Variants in PRKDC observed in about 807,000 individuals in gnomAD.
The protein encoded by PRKDC is DNA-dependent protein kinase catalytic subunit.
In PRKDC, 82 loss-of-function variants were observed where a neutral mutation model predicts 486.9. The ratio of observed to expected loss-of-function variants is 0.17; its 90% CI spans 0.14 to 0.20. PRKDC has a LOEUF of 0.20. Ranked by LOEUF, PRKDC falls within the 10% of genes least tolerant of loss-of-function variation. PRKDC has a pLI of 1.00. For synonymous variants in PRKDC, 1,895 were observed against 1,837.0 expected (o/e 1.03, Z -0.81); for missense variants, 4,504 against 5,038.2 (o/e 0.89, Z 3.21).
At chr8:47,941,086 C>A (rs553361292) in intron 10 of PRKDC, among the ~76,000 whole-genome samples, 13 of 150,464 alleles carry the variant, frequency 8.6e-5, no homozygotes, top group Non-Finnish European at 1.5e-4. Context: ...CCCAAGCTTG[C>A]GCTACTGCAC....
chr8:47,889,253 G>C, intron 32 of PRKDC, 31 bp from the exon 33 acceptor site: 3 of 1,541,196 alleles, frequency 1.9e-6, no homozygotes, highest in Non-Finnish European at 2.6e-6. Flanking sequence ...AAAACACTTC[G>C]TCAGCCAGCA....
intron 51 of PRKDC, 122 bp from the exon 52 acceptor site, chr8:47,852,906 GA>G: frequency 1.5e-6 from 1 of 673,892 alleles, no homozygotes; most frequent in Non-Finnish European, 2.5e-6. Context: ...TCTAAATATA[GA>G]ATGTGATGCA....
chr8:47,781,368 A>G (rs2086696864), intron 80 of PRKDC, among the ~76,000 whole-genome samples: 5 of 152,228 alleles, frequency 3.3e-5, no homozygotes, highest in Admixed American at 3.3e-4. Flanking sequence ...TTTGATAAGA[A>G]TATGTTTGAT....
intron 68 of PRKDC, among the ~76,000 whole-genome samples, chr8:47,816,690 A>AT (rs1463097934): frequency 3.9e-5 from 6 of 152,234 alleles, no homozygotes; most frequent in Non-Finnish European, 7.3e-5. Flanking sequence ...AAAGAAAAAA[A>AT]TACAAATACT....
rs1263164456 is a variant in PRKDC at position 47,914,047 on chromosome 8, T to A, written c.2635A>T (p.Met879Leu). Residue 879 changes from methionine (M) to leucine (L), a missense_variant, in exon 24 of 86, where the codon ATG becomes TTG. By Grantham distance (15) the Met-to-Leu change is conservative. Around this residue, in one of 6 missense-constraint regions of PRKDC, gnomAD observed 1,969 missense variants for 2,068.9 expected, o/e 0.95. Coordinates refer to ENST00000314191, the MANE Select transcript of PRKDC (RefSeq NM_006904.7). ...TCCCAGGCCACATAGCTCTTCATCA[T>A]CTCATCTGAGGACGTGACTGTTAGA... is the stretch of plus-strand genomic sequence containing the variant. The part of the protein sequence containing the change: ...NLLTVTSSDE[M>L]MKSYVAWDRE... 3 of 1,550,376 alleles carry A rather than the reference T, an allele frequency of 1.9e-6. No homozygotes were observed. In the African/African-American group the frequency reaches 4.1e-5, roughly 21 times the overall value.
At chr8:47,910,066 C>T (rs981597967) in intron 25 of PRKDC, among the ~76,000 whole-genome samples, 3 of 152,148 alleles carry the variant, frequency 2.0e-5, no homozygotes, top group Non-Finnish European at 4.4e-5. Flanking sequence ...TTTTGCGGCT[C>T]GGGGTTGTCA....
At chr8:47,922,107 G>C (rs2090082315) in intron 21 of PRKDC, among the ~76,000 whole-genome samples, 1 of 151,102 alleles carries the variant, frequency 6.6e-6, no homozygotes. Flanking sequence ...TTGGATTACA[G>C]GTGTGAGCCA....
Position 47,929,903 on chromosome 8 carries a change from T to C in PRKDC, c.2002A>G (p.Lys668Glu). The stretch of plus-strand genomic sequence containing the variant: ...TTTCTTACTGTAATAGAAAGCAATT[T>C]GTAGAAACCACTGATGAGGGGCAAC... ...TRLPLISGFYKLLSITVRNAK... is the reference protein window; with the variant it reads ...TRLPLISGFYELLSITVRNAK... The change falls in exon 18 of 86, where the codon AAA becomes GAA. Residue 668 changes from lysine to glutamate, a missense_variant. Coordinates refer to ENST00000314191, the MANE Select transcript of PRKDC (RefSeq NM_006904.7). 6.2e-7 allele frequency: 1 copy of C among 1,607,030 alleles called. No individual in the cohort carries two copies. The highest frequency in any genetic ancestry group is 8.5e-7 in the Non-Finnish European group (1 of 1,178,272).
rs745934145 is a variant in PRKDC at position 47,817,542 on chromosome 8, A to G, written c.9465T>C (p.Val3155=). Residue 3155 remains valine (V), a synonymous_variant, in exon 68 of 86, where the codon GTT becomes GTC. Coordinates refer to ENST00000314191, the MANE Select transcript of PRKDC (RefSeq NM_006904.7). ...AGGTGTTCAGAAGTCTCTTAAGGGG[A>G]ACTTGAGATGATAAATTGCCTAAAA... ...ISKQGNLSSQ[V]PLKRLLNTWT... is the part of the protein sequence containing the mutation. 1 of 1,601,222 alleles carries G rather than the reference A, an allele frequency of 6.2e-7. No individual in the cohort carries two copies. The highest frequency in any genetic ancestry group is 2.2e-5 in the East Asian group (1 of 44,788).
intron 69 of PRKDC, 122 bp downstream of exon 69, chr8:47,807,015 G>GA (rs1054462887): frequency 7.4e-5 from 77 of 1,038,142 alleles, no homozygotes; most frequent in African/African-American, 1.5e-4. Context: ...TATAAAGAGA[G>GA]AAAAAAAATA....
chr8:47,931,388 G>C (rs2090249108), intron 16 of PRKDC, among the ~76,000 whole-genome samples: 1 of 152,148 alleles, frequency 6.6e-6, no homozygotes, highest in East Asian at 1.9e-4. Context: ...AAGCTGGAAG[G>C]GCAGGGAACA....
At chr8:47,912,115 T>C (rs2089914963) in intron 25 of PRKDC, among the ~76,000 whole-genome samples, 1 of 152,118 alleles carries the variant, frequency 6.6e-6, no homozygotes, top group Non-Finnish European at 1.5e-5. Context: ...ACTACGTTTG[T>C]CCATGAGAGG....
At chr8:47,862,308 G>T in intron 43 of PRKDC, 65 bp downstream of exon 43, 1 of 1,496,550 alleles carries the variant, frequency 6.7e-7, no homozygotes, top group Non-Finnish European at 9.2e-7. Flanking sequence ...CTGTAAGTTT[G>T]ACTGATATAA....
At position 47,852,757 on chromosome 8, in the gene PRKDC, C is replaced by T; in HGVS notation, c.6921G>A (p.Met2307Ile). ...ACACTTCTTTATATCTTACAAAGGA[C>T]ATATTATTCACCAAAGCCTGGAAGT... is the stretch of plus-strand genomic sequence containing the variant. ...SEYFQALVNN[M>I]SFVRYKEVYA... The change falls in exon 52 of 86, where the codon ATG becomes ATA. Residue 2307 changes from methionine (M) to isoleucine (I), a missense_variant. Transcript: ENST00000314191. The T allele has an allele frequency of 1.9e-6, 3 of 1,573,096 alleles. No homozygotes were observed. The highest frequency in any genetic ancestry group is 1.3e-5 in the African/African-American group (1 of 74,436).
At chr8:47,810,746 C>T (rs2087308374) in intron 68 of PRKDC, among the ~76,000 whole-genome samples, 1 of 151,950 alleles carries the variant, frequency 6.6e-6, no homozygotes, top group South Asian at 2.1e-4. Context: ...TTTTAATAAA[C>T]CAAATGGAAA....
At position 47,849,633 on chromosome 8, in the gene PRKDC, G is replaced by T. The variant is rs796162734; in HGVS notation, c.7006-130C>A. ...CAATGTTGTCACCTACAAGGTAGAT[G>T]ATGGGACAGTAGGTGCTGGGGATGT... is the stretch of plus-strand genomic sequence containing the variant. On this transcript the variant is annotated intron_variant, in intron 52 of 85. Coordinates refer to ENST00000314191, the MANE Select transcript of PRKDC (RefSeq NM_006904.7). The T allele has an allele frequency of 4.8e-6, 5 of 1,046,922 alleles. No homozygotes were observed. In the African/African-American group the frequency reaches 4.8e-5, roughly 10 times the overall value. The allele number at this position is 1,046,922 out of a possible 1,614,324, so 64.9% of individuals were successfully genotyped here. A position where few individuals can be genotyped will look rare whatever the true frequency, so the allele number is the denominator to read the frequency against.
chr8:47,805,856 C>T (rs1419443679), intron 69 of PRKDC, among the ~76,000 whole-genome samples: 1 of 152,116 alleles, frequency 6.6e-6, no homozygotes, highest in East Asian at 1.9e-4. Context: ...TTACAGAGCA[C>T]CTCTCTTGCC....
chr8:47,824,783 G>A (rs2154499163), intron 63 of PRKDC, among the ~76,000 whole-genome samples: 1 of 152,272 alleles, frequency 6.6e-6, no homozygotes, highest in Admixed American at 6.5e-5. Flanking sequence ...TTCTCAAAGT[G>A]TTTATGGGGT....
Position 47,836,428 on chromosome 8 carries a change from G to T in PRKDC, c.7861C>A (p.Gln2621Lys), listed in dbSNP as rs2088024930. 1.2e-6 allele frequency: 2 copies of T among 1,613,146 alleles called. No individual in the cohort carries two copies. The highest frequency in any genetic ancestry group is 4.5e-5 in the East Asian group (2 of 44,864). Residue 2621 changes from glutamine to lysine, a missense_variant, in exon 58 of 86, where the codon CAG becomes AAG. Physicochemically the swap from Gln to Lys is moderately conservative, Grantham distance 53 (BLOSUM62 1). This residue lies in a region of PRKDC where 1,592 missense variants were observed against 1,724.6 expected (regional missense o/e 0.92). Transcript: ENST00000314191. ...CAGCGAGCTGAGAGGGACCCTTCCT[G>T]GGTACGGGTCTGGAGAGTGCCCTGG... ...ASQGTLQTRT[Q>K]EGSLSARWPV...
Sources: gnomAD v4.1 joint callset for allele counts (sites outside exome capture counted in the v4.1 genomes callset) on GRCh38, gnomAD v4.1.1 for gene constraint, gnomAD v4.1.1 regional missense constraint, MANE v1.5 for transcripts, NCBI Gene and HGNC (gene_info 2026-07-23, HGNC 2026-07-21) for gene names.